The following ZNF346 variants were observed in gnomAD, a reference collection of about 807,000 sequenced individuals.
The protein encoded by ZNF346 is double-stranded RNA-binding zinc finger protein JAZ.
In ZNF346, 23 loss-of-function variants were observed where a neutral mutation model predicts 33.7. The observed-to-expected ratio is 0.68, with a 90% CI of 0.49 to 0.97. The LOEUF is 0.97. ZNF346 is among the 50% of genes least tolerant of loss of function. The pLI, the probability that ZNF346 is intolerant of heterozygous loss-of-function variation, is 0.00. For synonymous variants in ZNF346, 134 were observed against 142.4 expected, an observed-to-expected ratio of 0.94 and a Z score of 0.42; for missense variants, 340 against 371.1, an observed-to-expected ratio of 0.92 and a Z score of 0.69.
intron 5 of ZNF346, chr5:177,051,912 C>T (rs1780990228): frequency 6.6e-6 from 1 of 152,100 alleles, no homozygotes; most frequent in African/African-American, 2.4e-5. Context: ...TGCTGTAATC[C>T]AAACACTTTG....
chr5:177,080,351 A>T (rs73806724), exon 9 of ZNF346: 13,542 of 152,226 alleles, frequency 0.089, 1,177 homozygotes, highest in African/African-American at 0.23. Context: ...CATATTGGCT[A>T]CTCTTCAGTG....
chr5:177,024,400 G>A (rs1406967990), intron 1 of ZNF346, among the ~76,000 whole-genome samples: 3 of 151,988 alleles, frequency 2.0e-5, no homozygotes, highest in African/African-American at 7.3e-5. Context: ...GTTTCACCAT[G>A]TTGGCCAGGC....
chr5:177,047,016 AT>A (rs1358265952), intron 4 of ZNF346, among the ~76,000 whole-genome samples: 1 of 148,684 alleles, frequency 6.7e-6, no homozygotes, highest in South Asian at 2.1e-4. Context: ...GGTTTTTAAA[AT>A]TTTTTTATTT....
At chr5:177,045,146 A>G (rs756695885) in intron 4 of ZNF346, among the ~76,000 whole-genome samples, 12 of 151,736 alleles carry the variant, frequency 7.9e-5, no homozygotes, top group Non-Finnish European at 1.3e-4. Flanking sequence ...CATCTCATTA[A>G]CTCCTGACTT....
In ZNF346 at chr5:177,077,161, A is replaced by G. The variant is rs1783790225; in HGVS notation, c.*3-2221A>G. Among the ~76,000 whole-genome samples the G allele has an allele frequency of 6.6e-6, 1 of 152,228 alleles. No homozygotes were observed. Among genetic ancestry groups the G allele is most frequent in the South Asian group, 2.1e-4 (1 of 4,830 alleles). On this transcript the variant is annotated intron_variant, in intron 8 of 8. Coordinates refer to the ZNF346 transcript ENST00000503039. The surrounding 1 kb of genome is among the most constrained non-coding windows in gnomAD (Gnocchi z 5.0). ...TTTAAAAGTAATGTGTTATGAAGCA[A>G]TGGATAACTAATACAGGTCTTTTTC...
rs72813135 is a variant in ZNF346 at position 177,063,982 on chromosome 5, A to G, written c.798-530A>G. ...ATTGAGTCTCATTAAATTTCTCAAC[A>G]AAAGGTCTGAAATTAGGATACCCCC... On this transcript the variant is annotated intron_variant, in intron 6 of 6. Transcript: ENST00000358149. 5.4e-3 allele frequency among the ~76,000 whole-genome samples: 817 copies of G among 152,334 alleles called. 2 individuals carry two copies. Among genetic ancestry groups the G allele is most frequent in the Non-Finnish European group, 9.1e-3 (616 of 68,032 alleles).
chr5:177,064,605 A>T lies in ZNF346; in HGVS notation c.*6A>T, dbSNP rs1295760883. On this transcript the variant is annotated 3_prime_UTR_variant, in exon 7 of 7. Coordinates refer to ENST00000358149, the MANE Select transcript of ZNF346 (RefSeq NM_012279.4). ...CAACCACCTTGGAAGACTAGAGGTGATTCTGCCCAGCATCCCATATTGGGC... is the reference window on the plus strand; with the variant it reads ...CAACCACCTTGGAAGACTAGAGGTGTTTCTGCCCAGCATCCCATATTGGGC... 2.5e-6 allele frequency: 4 copies of T among 1,612,408 alleles called. No individual in the cohort carries two copies. In the Admixed American group the frequency reaches 5.0e-5, roughly 20 times the overall value.
intron 1 of ZNF346, among the ~76,000 whole-genome samples, chr5:177,024,729 T>C (rs1012815820): frequency 1.4e-4 from 21 of 152,200 alleles, no homozygotes; most frequent in Admixed American, 1.4e-3. Context: ...GAGGAATGTT[T>C]TAAGAGTTGG....
downstream of ZNF346, among the ~76,000 whole-genome samples, chr5:177,072,935 G>A (rs1581985871): frequency 1.3e-5 from 2 of 152,176 alleles, no homozygotes; most frequent in East Asian, 3.9e-4. Context: ...TCTATAACTT[G>A]CAACCAAGAT....
chr5:177,055,940 G>A (rs1015652149), intron 5 of ZNF346, among the ~76,000 whole-genome samples: 2 of 152,006 alleles, frequency 1.3e-5, no homozygotes, highest in Non-Finnish European at 2.9e-5. Context: ...GCCAGGCATG[G>A]TGGCATGCAC....
intron 6 of ZNF346, 35 bp downstream of exon 6, chr5:177,062,186 A>T: frequency 6.4e-7 from 1 of 1,572,930 alleles, no homozygotes; most frequent in Non-Finnish European, 8.7e-7. Flanking sequence ...TAGGATCCAT[A>T]GCAGGAGCTC....
Position 177,067,813 on chromosome 5 carries a change from T to C in ZNF346, c.*3214T>C, listed in dbSNP as rs573983083. On this transcript the variant is annotated 3_prime_UTR_variant, in exon 7 of 7. Transcript: ENST00000358149. The stretch of plus-strand genomic sequence containing the variant: ...TTGAGCTAAGAGTTAATATTCCATA[T>C]AGAGAAGGAGGCCAGGCAGGGTGGC... Among the ~76,000 whole-genome samples, 2 of 152,166 alleles carry C rather than the reference T, an allele frequency of 1.3e-5. No homozygotes were observed. Among genetic ancestry groups the C allele is most frequent in the African/African-American group, 4.8e-5 (2 of 41,514 alleles).
chr5:177,073,368 A>G (rs1228281672), intron 8 of ZNF346, among the ~76,000 whole-genome samples: 1 of 152,154 alleles, frequency 6.6e-6, no homozygotes, highest in Non-Finnish European at 1.5e-5. Context: ...CAGTGGTGCA[A>G]ACACAGCTCA....
Position 177,049,986 on chromosome 5 carries a change from G to A in ZNF346, c.518-765G>A, listed in dbSNP as rs568646873. Among the ~76,000 whole-genome samples, 9 of 152,228 alleles carry A rather than the reference G, an allele frequency of 5.9e-5. No homozygotes were observed. In the South Asian group the frequency reaches 6.2e-4, roughly 11 times the overall value. On this transcript the variant is annotated intron_variant, in intron 4 of 6. Transcript: ENST00000358149. ...CAAGTAGCTGGGATTACAGGCACACGCCACCATGCCCAGCTAATTTTTGAA... is the reference window on the plus strand; with the variant it reads ...CAAGTAGCTGGGATTACAGGCACACACCACCATGCCCAGCTAATTTTTGAA...
At chr5:177,054,637 G>A (rs1781427069) in intron 5 of ZNF346, among the ~76,000 whole-genome samples, 1 of 151,966 alleles carries the variant, frequency 6.6e-6, no homozygotes, top group African/African-American at 2.4e-5. Context: ...CTGACCTTGT[G>A]ATCCACACAG....
At chr5:177,079,682 A>G (rs753135782) in exon 9 of ZNF346, 2 of 152,172 alleles carry the variant, frequency 1.3e-5, no homozygotes, top group African/African-American at 4.8e-5. Flanking sequence ...GAAACCCTCC[A>G]TGGTCCAGGG....
chr5:177,078,539 G>C (rs922434219), intron 8 of ZNF346, among the ~76,000 whole-genome samples: 2 of 152,190 alleles, frequency 1.3e-5, no homozygotes, highest in African/African-American at 4.8e-5. Context: ...CCCAGCTAAT[G>C]GGGAGGCTGA....
rs56812954 is a variant in ZNF346, at chr5:177,038,876, TTGTGTGTGTGTGTG to T, written c.176-2224_176-2211del. Among the ~76,000 whole-genome samples, 92 of 135,452 alleles carry T rather than the reference TTGTGTGTGTGTGTG, an allele frequency of 6.8e-4. No individual in the cohort carries two copies. In the East Asian group the frequency reaches 0.017, roughly 25 times the overall value. 88.9% of individuals were successfully genotyped at this position (135,452 alleles called of 152,430 possible). The stretch of plus-strand genomic sequence containing the variant: ...TTTTTCTTCTTTTTTCTTCTTCTTC[TTGTGTGTGTGTGTG>T]TGTGTGTGTGTGTGTGTGTGTGTGT... On this transcript the variant is annotated intron_variant, in intron 1 of 6. Coordinates refer to ENST00000358149, the MANE Select transcript of ZNF346 (RefSeq NM_012279.4).
chr5:177,048,939 C>T (rs1409303296), intron 4 of ZNF346, among the ~76,000 whole-genome samples: 1 of 151,804 alleles, frequency 6.6e-6, no homozygotes, highest in African/African-American at 2.4e-5. Context: ...CATGCACTAC[C>T]ACACCCAGCT....
Sources: allele counts gnomAD v4.1 joint callset (sites outside exome capture counted in the v4.1 genomes callset), GRCh38; gene constraint gnomAD v4.1.1; non-coding constraint Gnocchi (gnomAD v3.1); transcripts MANE v1.5; gene names NCBI Gene and HGNC (gene_info 2026-07-23, HGNC 2026-07-21).